The following ARNT variants were observed in gnomAD, a reference collection of about 807,000 sequenced individuals.
ARNT encodes aryl hydrocarbon receptor nuclear translocator.
ARNT carries 30 observed loss-of-function variants against 105.0 expected under a neutral mutation model. That is an observed-to-expected ratio of 0.29 (90% CI 0.21 to 0.39). The LOEUF (loss-of-function observed/expected upper bound fraction) is 0.39. Ranked by LOEUF, ARNT falls within the 10% of genes least tolerant of loss-of-function variation. ARNT has a pLI of 1.00. For missense variants in ARNT, 748 were observed against 978.7 expected, an observed-to-expected ratio of 0.76 and a Z score of 3.15; for synonymous variants, 304 against 344.0, an observed-to-expected ratio of 0.88 and a Z score of 1.29.
rs747150620 is a variant in ARNT, at chr1:150,831,946, C to T, written c.870-43G>A. On this transcript the variant is annotated intron_variant, in intron 9 of 21. Coordinates refer to ENST00000358595, the MANE Select transcript of ARNT (RefSeq NM_001668.4). ...GTTTGAAAAAAAAAAAAAAAATCTA[C>T]CCGTAAAACTCAAAGGGCAATGCTG... 4.0e-6 allele frequency: 5 copies of T among 1,260,172 alleles called. No individual in the cohort carries two copies. The African/African-American group carries it at 6.1e-5, about 15-fold the overall frequency. The allele number at this position is 1,260,172 out of a possible 1,614,324, so 78.1% of individuals were successfully genotyped here.
At chr1:150,829,635 G>T in intron 11 of ARNT, 1 of 557,276 alleles carries the variant, frequency 1.8e-6, no homozygotes. Context: ...TTGTATAGGG[G>T]CAAAGGAAAT....
At chr1:150,833,844 A>G (rs1659781909) in intron 8 of ARNT, among the ~76,000 whole-genome samples, 1 of 152,084 alleles carries the variant, frequency 6.6e-6, no homozygotes, top group Admixed American at 6.5e-5. Context: ...ACAGGGAAAA[A>G]GTAGAGGTTT....
Position 150,814,104 on chromosome 1 carries a change from T to TA in ARNT, c.2085dup (p.Ser696Ter). On this transcript the variant is annotated frameshift_variant, in exon 20 of 22. Coordinates refer to ENST00000358595, the MANE Select transcript of ARNT (RefSeq NM_001668.4). LOFTEE classifies it high-confidence loss of function. ...AAGTTAGATCCACGATTGGTGAGAC[T>TA]AGGGTAGGCAGCAGCACCAGGCGAT... is the stretch of plus-strand genomic sequence containing the variant. 1 of 1,614,116 alleles carries TA rather than the reference T, an allele frequency of 6.2e-7. No individual in the cohort carries two copies. Among genetic ancestry groups the TA allele is most frequent in the Non-Finnish European group, 8.5e-7 (1 of 1,180,002 alleles).
chr1:150,839,197 C>G (rs1286896834), intron 6 of ARNT, among the ~76,000 whole-genome samples: 2 of 152,226 alleles, frequency 1.3e-5, no homozygotes, highest in Non-Finnish European at 2.9e-5. Context: ...TTCTTCCATC[C>G]TATATGCTAT....
At chr1:150,821,199 C>G (rs1656986399) in intron 14 of ARNT, among the ~76,000 whole-genome samples, 1 of 152,196 alleles carries the variant, frequency 6.6e-6, no homozygotes, top group Admixed American at 6.5e-5. Context: ...AAGTGGCAAG[C>G]AACCACAGCT....
At chr1:150,823,752 A>G (rs1001296045) in intron 13 of ARNT, among the ~76,000 whole-genome samples, 8 of 150,500 alleles carry the variant, frequency 5.3e-5, no homozygotes, top group East Asian at 2.0e-4. Flanking sequence ...GGGTTTCACC[A>G]TGTTAGCCAG....
chr1:150,839,773 G>T, intron 5 of ARNT, 119 bp from the exon 6 acceptor site: 2 of 1,063,846 alleles, frequency 1.9e-6, no homozygotes, highest in Non-Finnish European at 2.7e-6. Flanking sequence ...ATTTAGTGAT[G>T]CTTAAGTCTC....
chr1:150,853,306 C>A (rs774049938), intron 2 of ARNT: 6 of 356,240 alleles, frequency 1.7e-5, no homozygotes, highest in Admixed American at 1.1e-4. Flanking sequence ...CAAAACTGGG[C>A]AATAGAAACA....
At chr1:150,854,979 GA>G (rs1356531821) in intron 2 of ARNT, among the ~76,000 whole-genome samples, 2 of 150,500 alleles carry the variant, frequency 1.3e-5, no homozygotes, top group South Asian at 2.1e-4. Flanking sequence ...CTAAGTCAAA[GA>G]AAAAAAAGTC....
At chr1:150,864,069 C>T (rs919973274) in intron 1 of ARNT, among the ~76,000 whole-genome samples, 14 of 152,050 alleles carry the variant, frequency 9.2e-5, no homozygotes, top group African/African-American at 3.4e-4. Context: ...GCCTATTACT[C>T]CCAGTAACAG....
In ARNT at chr1:150,810,136, C is replaced by T. The variant is rs1406050760; in HGVS notation, c.*1885G>A. 4.8e-5 allele frequency: 11 copies of T among 231,440 alleles called. No homozygotes were observed. The East Asian group carries it at 6.7e-4, about 14-fold the overall frequency. 14.3% of individuals were successfully genotyped at this position (231,440 alleles called of 1,614,324 possible). A position where few individuals can be genotyped will look rare whatever the true frequency, so the allele number is the denominator to read the frequency against. ...ATATTTTGTTTGAAAATCTTTGCTA[C>T]ATGTCATTATTTTTGCCACTGTAAA... On this transcript the variant is annotated 3_prime_UTR_variant, in exon 22 of 22. Transcript: ENST00000358595.
chr1:150,833,277 G>A (rs930822630), intron 8 of ARNT, among the ~76,000 whole-genome samples: 1 of 152,150 alleles, frequency 6.6e-6, no homozygotes, highest in African/African-American at 2.4e-5. Flanking sequence ...GCTGACGCAG[G>A]CGAATCACTT....
At chr1:150,816,454 C>T in intron 18 of ARNT, 48 bp from the exon 19 acceptor site, 1 of 1,575,422 alleles carries the variant, frequency 6.3e-7, no homozygotes, top group Non-Finnish European at 8.6e-7. Context: ...AGATTTATCA[C>T]AGAAGCTAGG....
At chr1:150,872,436 C>T (rs1364824599) in intron 1 of ARNT, among the ~76,000 whole-genome samples, 2 of 152,152 alleles carry the variant, frequency 1.3e-5, no homozygotes, top group Non-Finnish European at 1.5e-5. Context: ...CAAACCCAAA[C>T]GGTATTACCC....
chr1:150,817,278 C>T (rs1656078220), intron 16 of ARNT, 76 bp from the exon 17 acceptor site: 1 of 1,611,104 alleles, frequency 6.2e-7, no homozygotes, highest in African/African-American at 1.3e-5. Flanking sequence ...TCATATACAA[C>T]ATATGTACAT....
Position 150,876,349 on chromosome 1 carries a change from G to A in ARNT, c.25+194C>T, listed in dbSNP as rs149592617. Among the ~76,000 whole-genome samples the A allele has an allele frequency of 4.6e-3, 701 of 152,134 alleles. 9 individuals carry two copies. Among genetic ancestry groups the A allele is most frequent in the African/African-American group, 0.016 (677 of 41,506 alleles). On this transcript the variant is annotated intron_variant, in intron 1 of 21. Coordinates refer to ENST00000358595, the MANE Select transcript of ARNT (RefSeq NM_001668.4). ...TCCCACCTGCCCCCTCGCTCCCTTG[G>A]GTATACTCGAGTCTACCCAAGTCCC...
intron 3 of ARNT, among the ~76,000 whole-genome samples, chr1:150,849,942 C>T (rs1313390972): frequency 6.6e-6 from 1 of 151,986 alleles, no homozygotes; most frequent in African/African-American, 2.4e-5. Flanking sequence ...GTCCCAGCTA[C>T]TCAGGAGGCT....
intron 3 of ARNT, among the ~76,000 whole-genome samples, chr1:150,848,261 G>T (rs1007219539): frequency 1.3e-5 from 2 of 152,152 alleles, no homozygotes; most frequent in African/African-American, 4.8e-5. Flanking sequence ...TTTGAGACCA[G>T]CCTGGCCAAC....
At chr1:150,864,212 T>C (rs1032649641) in intron 1 of ARNT, among the ~76,000 whole-genome samples, 4 of 152,156 alleles carry the variant, frequency 2.6e-5, no homozygotes, top group African/African-American at 9.7e-5. Flanking sequence ...ACAACTATGA[T>C]GTCACTGGGC....
Sources: allele counts gnomAD v4.1 joint callset (sites outside exome capture counted in the v4.1 genomes callset), GRCh38; gene constraint gnomAD v4.1.1; transcripts MANE v1.5; gene names NCBI Gene and HGNC (gene_info 2026-07-23, HGNC 2026-07-21).